SP110: variants seen among roughly 807,000 people sequenced by gnomAD.
SP110 encodes interferon-induced protein 41, 30kD.
In SP110, 62 loss-of-function variants were observed where a neutral mutation model predicts 92.7. The observed-to-expected ratio is 0.67, with a 90% CI of 0.55 to 0.83. The LOEUF is 0.83. Ranked by LOEUF, SP110 falls within the 40% of genes least tolerant of loss-of-function variation. The pLI is 0.00. For synonymous variants in SP110, 273 were observed against 305.3 expected (o/e 0.89, Z 1.10); for missense variants, 793 against 863.9 (o/e 0.92, Z 1.03).
At chr2:230,208,189 G>T in intron 7 of SP110, 130 bp from the exon 8 acceptor site, 1 of 640,118 alleles carries the variant, frequency 1.6e-6, no homozygotes, top group Admixed American at 2.7e-5. Context: ...CTTAGGTGAT[G>T]GTACTTCAGG....
chr2:230,213,197 A>G (rs924911675), intron 3 of SP110, among the ~76,000 whole-genome samples, 170 bp from the exon 4 acceptor site: 1 of 152,170 alleles, frequency 6.6e-6, no homozygotes, highest in Non-Finnish European at 1.5e-5. Flanking sequence ...TGGCCCCTTA[A>G]TATTTTATTT....
chr2:230,205,549 C>A (rs1182910564), intron 8 of SP110, among the ~76,000 whole-genome samples: 1 of 152,100 alleles, frequency 6.6e-6, no homozygotes, highest in Non-Finnish European at 1.5e-5. Context: ...GATGTAACCT[C>A]CATGAGCTTT....
At chr2:230,197,351 G>A (rs2042924973) in intron 10 of SP110, among the ~76,000 whole-genome samples, 1 of 151,408 alleles carries the variant, frequency 6.6e-6, no homozygotes, top group Non-Finnish European at 1.5e-5. Context: ...CTTTTGAGAA[G>A]TGTCTGTTCA....
chr2:230,203,754 T>C (rs1162002964), intron 8 of SP110: 4 of 152,254 alleles, frequency 2.6e-5, no homozygotes. Flanking sequence ...AACATCTTTT[T>C]ATGTGTTTTG....
rs182140669 is a variant in SP110, at chr2:230,201,577, T to C, written c.1049-612A>G. On this transcript the variant is annotated intron_variant, in intron 9 of 18. Transcript: ENST00000258381. Reference sequence around the variant, plus strand: ...TATTAAATTTCTACCCTTGAGTACATATCTGACATCTTAATATTCTATGTG... The same window carrying C: ...TATTAAATTTCTACCCTTGAGTACACATCTGACATCTTAATATTCTATGTG... Among the ~76,000 whole-genome samples the C allele has an allele frequency of 3.9e-4, 60 of 152,340 alleles. 1 individual carries two copies. In the East Asian group the frequency reaches 0.01, roughly 26 times the overall value.
Position 230,216,668 on chromosome 2 carries a change from C to G in SP110, c.147+113G>C. On this transcript the variant is annotated intron_variant, in intron 2 of 18. Transcript: ENST00000258381. ...CCACCTTCTGTGATAATGAACATGC[C>G]TGGGCTGGGCCTTCCAAACTCTGGA... 4.6e-6 allele frequency: 6 copies of G among 1,291,500 alleles called. No homozygotes were observed. In the South Asian group the frequency reaches 7.2e-5, roughly 15 times the overall value. The allele number at this position is 1,291,500 out of a possible 1,614,324, so 80.0% of individuals were successfully genotyped here.
chr2:230,187,379 C>T (rs575567995), intron 10 of SP110, among the ~76,000 whole-genome samples: 6 of 151,968 alleles, frequency 3.9e-5, no homozygotes, highest in South Asian at 2.1e-4. Context: ...TTCTTGTAGA[C>T]GCTGGATATT....
At chr2:230,204,132 G>A (rs1228960453) in intron 8 of SP110, among the ~76,000 whole-genome samples, 1 of 152,184 alleles carries the variant, frequency 6.6e-6, no homozygotes, top group Non-Finnish European at 1.5e-5. Flanking sequence ...ACAATATGAA[G>A]AAAGGCAAAT....
intron 10 of SP110, among the ~76,000 whole-genome samples, chr2:230,199,635 T>TTTAA (rs1446617835): frequency 1.3e-5 from 2 of 152,182 alleles, no homozygotes; most frequent in East Asian, 3.8e-4. Context: ...ATGTCTTTTA[T>TTTAA]GGCCTAGAAT....
rs2044416567 is a variant in SP110 at position 230,211,083 on chromosome 2, T to A, written c.751+387A>T. Among the ~76,000 whole-genome samples the A allele has an allele frequency of 6.6e-6, 1 of 152,186 alleles. No homozygotes were observed. The highest frequency in any genetic ancestry group is 1.5e-5 in the Non-Finnish European group (1 of 68,008). ...TCAGAAGAGTGGCTCTGTCAAACAG[T>A]CCAGCCTGACTCAGTTCCCTTGCTT... On this transcript the variant is annotated intron_variant, in intron 6 of 18. Transcript: ENST00000258381. This position sits in a 1 kb window ranked among gnomAD's most constrained non-coding sequence, Gnocchi z 4.2.
In SP110 at chr2:230,185,988, C is replaced by T. The variant is rs762842187; in HGVS notation, c.1279+6G>A. 1.2e-6 allele frequency: 2 copies of T among 1,613,584 alleles called. No homozygotes were observed. The highest frequency in any genetic ancestry group is 2.7e-5 in the African/African-American group (2 of 74,906). Reference sequence around the variant, plus strand: ...TTCAAATAGCAGATTCCATCATTAGCCTTACCTTTCAATCTGGACTTTCGG... The same window carrying T: ...TTCAAATAGCAGATTCCATCATTAGTCTTACCTTTCAATCTGGACTTTCGG... On this transcript the variant is annotated splice_donor_region_variant and intron_variant, in intron 11 of 18. Transcript: ENST00000258381.
chr2:230,171,694 A>G lies in SP110; in HGVS notation c.1887+2T>C. ...GCAAGAGAACCGTAAAATGTGACTT[A>G]CATTAAATGGGATGCCCGTAAAAAA... On this transcript the variant is annotated splice_donor_variant, in intron 17 of 18. Coordinates refer to ENST00000258381, the MANE Select transcript of SP110 (RefSeq NM_080424.4). LOFTEE classifies it high-confidence loss of function. 1 of 1,609,378 alleles carries G rather than the reference A, an allele frequency of 6.2e-7. No homozygotes were observed.
Position 230,185,961 on chromosome 2 carries a change from T to C in SP110, c.1279+33A>G, listed in dbSNP as rs1471091811. On this transcript the variant is annotated intron_variant, in intron 11 of 18. Transcript: ENST00000258381. Reference sequence around the variant, plus strand: ...TCCAAGAGGCCCTCCTACATTGAGCTATTCAAATAGCAGATTCCATCATTA... The same window carrying C: ...TCCAAGAGGCCCTCCTACATTGAGCCATTCAAATAGCAGATTCCATCATTA... 5 of 1,601,126 alleles carry C rather than the reference T, an allele frequency of 3.1e-6. No individual in the cohort carries two copies. In the South Asian group the frequency reaches 3.3e-5, roughly 11 times the overall value.
At chr2:230,224,520 A>G (rs922085713), upstream of SP110, among the ~76,000 whole-genome samples, 15 of 150,678 alleles carry the variant, frequency 1.0e-4, no homozygotes, top group African/African-American at 3.7e-4. Context: ...GAGGACAGAG[A>G]GAGAGAGAGA....
intron 10 of SP110, among the ~76,000 whole-genome samples, chr2:230,196,985 T>C (rs1436744217): frequency 6.6e-6 from 1 of 152,190 alleles, no homozygotes; most frequent in African/African-American, 2.4e-5. Context: ...CTATTGTGAA[T>C]AGTGCCACAA....
chr2:230,209,997 T>C lies in SP110; in HGVS notation c.763A>G (p.Asn255Asp). 1 of 1,593,050 alleles carries C rather than the reference T, an allele frequency of 6.3e-7. No homozygotes were observed. Among genetic ancestry groups the C allele is most frequent in the Non-Finnish European group, 8.6e-7 (1 of 1,160,810 alleles). ...TCTGGGTCATTTGGTTCTGGAGAAT[T>C]ATCTCTTATCTCTGACAAAAGAAAT... Reference protein sequence around the residue: ...PLGSMPEIRDNSPEPNDPEEP... With the variant: ...PLGSMPEIRDDSPEPNDPEEP... Residue 255 changes from asparagine (N) to aspartate (D), a missense_variant, in exon 7 of 19, where the codon AAT becomes GAT. Asn to Asp is a conservative substitution (Grantham distance 23). Transcript: ENST00000258381.
At chr2:230,220,020 G>C (rs1364491529), upstream of SP110, 1 of 985,492 alleles carries the variant, frequency 1.0e-6, no homozygotes, top group Non-Finnish European at 1.2e-6. Flanking sequence ...GGGCTTCCGA[G>C]AAAAGAAAAG....
chr2:230,169,409 T>C (rs1206266001), intron 18 of SP110, among the ~76,000 whole-genome samples, 172 bp from the exon 19 acceptor site: 1 of 152,156 alleles, frequency 6.6e-6, no homozygotes, highest in African/African-American at 2.4e-5. Context: ...CCTGGGCTCA[T>C]GTGATCCTCC....
At chr2:230,186,807 TTTAAG>T (rs1236401451) in intron 10 of SP110, among the ~76,000 whole-genome samples, 1 of 152,202 alleles carries the variant, frequency 6.6e-6, no homozygotes, top group African/African-American at 2.4e-5. Context: ...TCCAGCTCCA[TTTAAG>T]TTGCTGCAAA....
Sources: gnomAD v4.1 joint callset for allele counts (sites outside exome capture counted in the v4.1 genomes callset) on GRCh38, gnomAD v4.1.1 for gene constraint, Gnocchi (gnomAD v3.1) non-coding constraint, MANE v1.5 for transcripts, NCBI Gene and HGNC (gene_info 2026-07-23, HGNC 2026-07-21) for gene names.